The following USP34 variants were observed in gnomAD, a reference collection of about 807,000 sequenced individuals.
USP34 encodes the protein ubiquitin specific peptidase 34, also known as ubiquitin carboxyl-terminal hydrolase 34.
A neutral mutation model predicts 460.3 loss-of-function variants in USP34; 70 were observed. That is an observed-to-expected ratio of 0.15 (90% confidence interval 0.13 to 0.19). The LOEUF is 0.19. USP34 is among the 10% of genes least tolerant of loss of function. The probability of loss-of-function intolerance (pLI) is 1.00; values close to 1 mark genes in which losing one functional copy is unlikely to be tolerated. For synonymous variants in USP34, 1,647 were observed against 1,405.3 expected (o/e 1.17, Z -3.85); for missense variants, 3,985 against 4,236.2 (o/e 0.94, Z 1.65).
chr2:61,207,108 T>TC, intron 70 of USP34: 2 of 401,550 alleles, frequency 5.0e-6, no homozygotes, highest in East Asian at 4.2e-5. Context: ...GTGTATATTC[T>TC]AGTCTGAAGA....
intron 27 of USP34, 125 bp from the exon 28 acceptor site, chr2:61,301,579 A>G (rs1019133904): frequency 2.9e-5 from 24 of 825,354 alleles, no homozygotes; most frequent in African/African-American, 1.0e-4. Flanking sequence ...TAAGGTAAAG[A>G]CAGAAAACTC....
chr2:61,310,141 C>A (rs1292893394), intron 27 of USP34, among the ~76,000 whole-genome samples: 1 of 152,152 alleles, frequency 6.6e-6, no homozygotes, highest in Non-Finnish European at 1.5e-5. Flanking sequence ...AGTTCTTAAT[C>A]TGGATGGTAG....
At chr2:61,445,413 T>C (rs1314691490) in intron 1 of USP34, among the ~76,000 whole-genome samples, 1 of 151,026 alleles carries the variant, frequency 6.6e-6, no homozygotes, top group Non-Finnish European at 1.5e-5. Flanking sequence ...CAAGCACCTG[T>C]AGTCCCAGCT....
At chr2:61,206,398 CAGGT>C (rs562610003) in intron 71 of USP34, among the ~76,000 whole-genome samples, 12 of 152,150 alleles carry the variant, frequency 7.9e-5, no homozygotes, top group Non-Finnish European at 1.6e-4. Context: ...GGACATAAGA[CAGGT>C]AGGTTTTATA....
intron 5 of USP34, among the ~76,000 whole-genome samples, chr2:61,389,508 A>G (rs1263374534): frequency 1.3e-5 from 2 of 152,236 alleles, no homozygotes; most frequent in African/African-American, 2.4e-5. Context: ...AAATTTTAAT[A>G]CAAGGAAGAT....
At chr2:61,389,224 G>C (rs1313739228) in intron 5 of USP34, among the ~76,000 whole-genome samples, 1 of 151,712 alleles carries the variant, frequency 6.6e-6, no homozygotes, top group Non-Finnish European at 1.5e-5. Context: ...TCATAAGGTA[G>C]GCTTCTGGGG....
chr2:61,253,184 G>A (rs1318574397), intron 48 of USP34, among the ~76,000 whole-genome samples: 3 of 152,094 alleles, frequency 2.0e-5, no homozygotes, highest in East Asian at 1.9e-4. Flanking sequence ...AGTATAGTAA[G>A]AACAAAAATG....
chr2:61,394,848 C>A lies in USP34; in HGVS notation c.753+5G>T. ...AAATTAAGATCAATTCAAAACAATA[C>A]TTACATTAGACACAACTGTAATAAA... On this transcript the variant is annotated splice_donor_5th_base_variant and intron_variant, in intron 5 of 79. Transcript: ENST00000398571. The A allele has an allele frequency of 6.5e-7, 1 of 1,539,734 alleles. No individual in the cohort carries two copies. The highest frequency in any genetic ancestry group is 1.3e-5 in the South Asian group (1 of 76,100).
At chr2:61,465,086 C>A (rs925185248) in intron 1 of USP34, among the ~76,000 whole-genome samples, 1 of 152,042 alleles carries the variant, frequency 6.6e-6, no homozygotes, top group Admixed American at 6.6e-5. Context: ...AATGGCAAGT[C>A]CAGTATTTTA....
At chr2:61,194,022 AT>A in intron 75 of USP34, 1 of 703,468 alleles carries the variant, frequency 1.4e-6, no homozygotes, top group Non-Finnish European at 1.7e-6. Flanking sequence ...ATTTAAAAAT[AT>A]GAAAACTATT....
intron 42 of USP34, 69 bp from the exon 43 acceptor site, chr2:61,265,626 A>C: frequency 6.7e-7 from 1 of 1,483,868 alleles, no homozygotes; most frequent in Admixed American, 2.2e-5. Flanking sequence ...TTTTGCTTAC[A>C]TTAACAGCCT....
intron 2 of USP34, chr2:61,417,013 C>A: frequency 7.5e-7 from 1 of 1,324,792 alleles, no homozygotes; most frequent in Non-Finnish European, 1.1e-6. Context: ...CTTGGTGAAG[C>A]CCCACTTCTT....
chr2:61,192,682 A>T (rs7589863), intron 76 of USP34, among the ~76,000 whole-genome samples: 3,766 of 152,324 alleles, frequency 0.025, 158 homozygotes, highest in African/African-American at 0.085. Context: ...CTTATTTAAA[A>T]TATCCTCTAT....
intron 1 of USP34, among the ~76,000 whole-genome samples, chr2:61,455,242 G>A (rs748329462): frequency 6.6e-6 from 1 of 151,086 alleles, no homozygotes; most frequent in African/African-American, 2.4e-5. Context: ...GCAGTGGTAC[G>A]ATCTCAGCTC....
intron 48 of USP34, among the ~76,000 whole-genome samples, chr2:61,250,920 T>C (rs1688561488): frequency 6.6e-6 from 1 of 152,146 alleles, no homozygotes; most frequent in African/African-American, 2.4e-5. Context: ...AGGCGGATCA[T>C]GAGGTCAGGA....
chr2:61,463,015 A>G (rs991937404), intron 1 of USP34, among the ~76,000 whole-genome samples: 7 of 152,088 alleles, frequency 4.6e-5, no homozygotes, highest in Non-Finnish European at 8.8e-5. Flanking sequence ...GGATGACAGA[A>G]TAAGACTCCA....
At chr2:61,352,897 A>T (rs1028177771) in intron 10 of USP34, among the ~76,000 whole-genome samples, 1 of 152,180 alleles carries the variant, frequency 6.6e-6, no homozygotes, top group Admixed American at 6.5e-5. Context: ...GATATCAGGG[A>T]AGATGGGAGA....
chr2:61,293,733 G>C (rs544650254), intron 32 of USP34, among the ~76,000 whole-genome samples, 183 bp from the exon 33 acceptor site: 1 of 152,270 alleles, frequency 6.6e-6, no homozygotes, highest in South Asian at 2.1e-4. Flanking sequence ...AAGAATTTAA[G>C]GGTGGGTGCA....
intron 48 of USP34, among the ~76,000 whole-genome samples, chr2:61,251,966 T>A (rs911167515): frequency 3.5e-5 from 5 of 144,612 alleles, no homozygotes; most frequent in African/African-American, 7.6e-5. Flanking sequence ...TTAATTTGTT[T>A]AAAAAAAAAA....
Sources: gnomAD v4.1 joint callset for allele counts (sites outside exome capture counted in the v4.1 genomes callset) on GRCh38, gnomAD v4.1.1 for gene constraint, MANE v1.5 for transcripts, NCBI Gene and HGNC (gene_info 2026-07-23, HGNC 2026-07-21) for gene names.